EPB41L2: variants seen among roughly 807,000 people sequenced by gnomAD.
EPB41L2 encodes band 4.1-like protein 2.
EPB41L2 carries 43 observed loss-of-function variants against 113.0 expected under a neutral mutation model. The ratio of observed to expected loss-of-function variants is 0.38; its 90% confidence interval spans 0.30 to 0.49. The LOEUF is 0.49. Ranked by LOEUF, EPB41L2 falls within the 20% of genes least tolerant of loss-of-function variation. The pLI, the probability that EPB41L2 is intolerant of heterozygous loss-of-function variation, is 0.95. For synonymous variants in EPB41L2, 442 were observed against 436.7 expected (o/e 1.01, Z -0.15); for missense variants, 1,147 against 1,223.4 (o/e 0.94, Z 0.93).
intron 1 of EPB41L2, among the ~76,000 whole-genome samples, chr6:131,006,891 T>C (rs550107195): frequency 4.6e-4 from 70 of 152,188 alleles, no homozygotes; most frequent in African/African-American, 1.6e-3. Context: ...CCTGTGCCCA[T>C]ACCACCTTCC....
At chr6:130,961,939 T>C (rs1216458029) in intron 1 of EPB41L2, among the ~76,000 whole-genome samples, 1 of 152,210 alleles carries the variant, frequency 6.6e-6, no homozygotes, top group African/African-American at 2.4e-5. Context: ...AAATAACCAT[T>C]GAACTTAAAA....
At chr6:131,058,786 C>T (rs1233097810) in intron 1 of EPB41L2, among the ~76,000 whole-genome samples, 2 of 152,126 alleles carry the variant, frequency 1.3e-5, no homozygotes, top group African/African-American at 4.8e-5. Context: ...GAGGCCAAGT[C>T]GGGTGGATCA....
chr6:130,987,777 G>A (rs1354275983), intron 1 of EPB41L2, among the ~76,000 whole-genome samples: 1 of 152,088 alleles, frequency 6.6e-6, no homozygotes, highest in African/African-American at 2.4e-5. Context: ...AATTGGGAAA[G>A]GTAGTCAGTA....
At chr6:130,887,095 A>G (rs1458183092) in intron 11 of EPB41L2, among the ~76,000 whole-genome samples, 2 of 152,238 alleles carry the variant, frequency 1.3e-5, no homozygotes, top group Non-Finnish European at 2.9e-5. Context: ...TGACCTAGAA[A>G]TGGCTTCAAA....
At chr6:130,935,560 C>T (rs539833274) in intron 3 of EPB41L2, among the ~76,000 whole-genome samples, 1 of 152,268 alleles carries the variant, frequency 6.6e-6, no homozygotes, top group East Asian at 1.9e-4. Context: ...AATCTGAAAT[C>T]CTGCTACCAA....
At chr6:130,879,529 C>T (rs746509879) in intron 13 of EPB41L2, among the ~76,000 whole-genome samples, 11 of 152,092 alleles carry the variant, frequency 7.2e-5, no homozygotes, top group Non-Finnish European at 1.2e-4. Flanking sequence ...TCACGTGACA[C>T]GGGGAACATA....
chr6:131,058,191 T>C (rs1002038490), intron 1 of EPB41L2, among the ~76,000 whole-genome samples: 15 of 140,206 alleles, frequency 1.1e-4, no homozygotes, highest in Non-Finnish European at 2.3e-4. Flanking sequence ...ATTAGCTCAA[T>C]TGCAATCTTT....
In EPB41L2 at chr6:130,858,464, A is replaced by G. The variant is rs73632212; in HGVS notation, c.2911-221T>C. The G allele has an allele frequency of 4.8e-3, 2,125 of 445,046 alleles. 50 individuals are homozygous for G. The highest frequency in any genetic ancestry group is 0.04 in the African/African-American group (1,988 of 50,026). The allele number at this position is 445,046 out of a possible 1,614,324, so 27.6% of individuals were successfully genotyped here. A position where few individuals can be genotyped will look rare whatever the true frequency, so the allele number is the denominator to read the frequency against. On this transcript the variant is annotated intron_variant, in intron 18 of 19. Transcript: ENST00000337057. ...CAATTCTTCAGTCCACTTTCAAATA[A>G]TGACACGTAGAGGAAACATGTTGGC...
intron 19 of EPB41L2, among the ~76,000 whole-genome samples, chr6:130,847,186 T>C (rs1424918799): frequency 6.6e-6 from 1 of 152,224 alleles, no homozygotes; most frequent in African/African-American, 2.4e-5. Context: ...ATGTGCTCTT[T>C]CTTCCCTCCC....
chr6:131,020,065 G>T (rs1179989617), intron 1 of EPB41L2, among the ~76,000 whole-genome samples: 1 of 151,678 alleles, frequency 6.6e-6, no homozygotes. Context: ...CTATTTTGCT[G>T]GTATTTTCAA....
At chr6:131,034,905 ATACT>A (rs1792981436) in intron 1 of EPB41L2, among the ~76,000 whole-genome samples, 1 of 152,204 alleles carries the variant, frequency 6.6e-6, no homozygotes, top group Non-Finnish European at 1.5e-5. Context: ...CAAAATCAAT[ATACT>A]TAAACAGCTT....
chr6:131,009,507 C>T (rs1786409108), intron 1 of EPB41L2, among the ~76,000 whole-genome samples: 1 of 151,998 alleles, frequency 6.6e-6, no homozygotes, highest in South Asian at 2.1e-4. Flanking sequence ...TATTTCGTAC[C>T]TGTACATATT....
At chr6:131,018,440 G>C (rs995090944) in intron 1 of EPB41L2, among the ~76,000 whole-genome samples, 3 of 152,026 alleles carry the variant, frequency 2.0e-5, no homozygotes, top group Non-Finnish European at 4.4e-5. Context: ...AGGGGAACAG[G>C]CGAGGTAGGC....
chr6:130,970,502 T>C (rs1329410231), intron 1 of EPB41L2: 1 of 152,154 alleles, frequency 6.6e-6, no homozygotes, highest in African/African-American at 2.4e-5. Context: ...AAGAAAAAAG[T>C]CAGCTTCCTG....
At chr6:130,982,604 A>G (rs1779626922) in intron 1 of EPB41L2, among the ~76,000 whole-genome samples, 1 of 152,252 alleles carries the variant, frequency 6.6e-6, no homozygotes, top group East Asian at 1.9e-4. Context: ...GTCAAAACGT[A>G]AAGAACTCAA....
intron 6 of EPB41L2, among the ~76,000 whole-genome samples, chr6:130,901,906 T>A (rs1450929704): frequency 6.6e-6 from 1 of 152,242 alleles, no homozygotes; most frequent in African/African-American, 2.4e-5. Context: ...CTAGTAGCTA[T>A]AATAATTAGT....
intron 16 of EPB41L2, chr6:130,865,872 T>C (rs2275063): frequency 0.045 from 20,725 of 460,950 alleles, 742 homozygotes; most frequent in East Asian, 0.13. Flanking sequence ...AGAATGGACA[T>C]AGTAGGTGGG....
intron 1 of EPB41L2, among the ~76,000 whole-genome samples, chr6:131,017,975 T>G (rs1265449470): frequency 6.6e-6 from 1 of 152,242 alleles, no homozygotes; most frequent in Non-Finnish European, 1.5e-5. Context: ...TGCCTTTTTC[T>G]TATTAATTTG....
rs750733894 is a variant in EPB41L2, at chr6:130,867,709, A to G, written c.2608-128T>C. 4.8e-6 allele frequency: 6 copies of G among 1,248,524 alleles called. No individual in the cohort carries two copies. In the South Asian group the frequency reaches 5.3e-5, roughly 11 times the overall value. The allele number at this position is 1,248,524 out of a possible 1,614,324, so 77.3% of individuals were successfully genotyped here. A position where few individuals can be genotyped will look rare whatever the true frequency, so the allele number is the denominator to read the frequency against. On this transcript the variant is annotated intron_variant, in intron 15 of 19. Coordinates refer to ENST00000337057, the MANE Select transcript of EPB41L2 (RefSeq NM_001431.4). ...ACTCATGCACAAAAGAAAAGAGTAA[A>G]AGCAAACAACCTAAAACAAACAAAA...
Sources: allele counts gnomAD v4.1 joint callset (sites outside exome capture counted in the v4.1 genomes callset), GRCh38; gene constraint gnomAD v4.1.1; transcripts MANE v1.5; gene names NCBI Gene and HGNC (gene_info 2026-07-23, HGNC 2026-07-21).